POLRMT: variants seen among roughly 807,000 people sequenced by gnomAD.
POLRMT encodes RNA polymerase mitochondrial.
In POLRMT, 114 loss-of-function variants were observed where a neutral mutation model predicts 132.2. The observed-to-expected ratio is 0.86, with a 90% CI of 0.74 to 1.01. The LOEUF (loss-of-function observed/expected upper bound fraction) is 1.01. Ranked by LOEUF, POLRMT falls within the 50% of genes least tolerant of loss-of-function variation. The pLI, the probability that POLRMT is intolerant of heterozygous loss-of-function variation, is 0.00. For synonymous variants in POLRMT, 1,020 were observed against 773.4 expected (o/e 1.32, Z -5.29); for missense variants, 2,003 against 1,729.1 (o/e 1.16, Z -2.81).
Position 618,751 on chromosome 19 carries a change from C to T in POLRMT, c.3277G>A (p.Gly1093Ser). Residue 1093 changes from glycine to serine, a missense_variant, in exon 16 of 21, where the codon GGT becomes AGT. Physicochemically the swap from Gly to Ser is moderately conservative, Grantham distance 56. Transcript: ENST00000588649. ...GTGTAGGTGATGCTCTGAATTCCAC[C>T]TCCTATTTGCTAAAAAGGGGAAGGG... is the stretch of plus-strand genomic sequence containing the variant. ...RLDSKVKQIG[G>S]GIQSITYTHN... is the part of the protein sequence containing the mutation. 2 of 1,602,238 alleles carry T rather than the reference C, an allele frequency of 1.2e-6. No homozygotes were observed. The highest frequency in any genetic ancestry group is 2.3e-5 in the East Asian group (1 of 44,250).
Position 621,249 on chromosome 19 carries a change from C to T in POLRMT, c.2449G>A (p.Gly817Ser), listed in dbSNP as rs746383096. The change falls in exon 10 of 21, where the codon GGC becomes AGC. Residue 817 changes from glycine (G) to serine (S), a missense_variant. Transcript: ENST00000588649. Reference sequence around the variant, plus strand: ...AGCAGGGCCCGCGCCACGTCGCTGCCCAGGTGGTTGAAGTGCGGCGGGCAG... The same window carrying T: ...AGCAGGGCCCGCGCCACGTCGCTGCTCAGGTGGTTGAAGTGCGGCGGGCAG... ...YPCPPHFNHL[G>S]SDVARALLEF... 6.2e-7 allele frequency: 1 copy of T among 1,608,672 alleles called. No homozygotes were observed. The highest frequency in any genetic ancestry group is 8.5e-7 in the Non-Finnish European group (1 of 1,177,992).
chr19:619,174 G>T, intron 14 of POLRMT, 36 bp downstream of exon 14: 1 of 1,610,516 alleles, frequency 6.2e-7, no homozygotes, highest in Non-Finnish European at 8.5e-7. Flanking sequence ...ACTTGCTTAG[G>T]GAGTCCTGGC....
At position 633,417 on chromosome 19, in the gene POLRMT, TG is replaced by T; in HGVS notation, c.88+7del. On this transcript the variant is annotated splice_region_variant and intron_variant, in intron 1 of 20. Coordinates refer to ENST00000588649, the MANE Select transcript of POLRMT (RefSeq NM_005035.4). ...CCCGGGCTGCCTGGCCGTCTCCCTT[TG>T]TGTTACCTTCTTTGCCGGGGAGTCC... 6.5e-7 allele frequency: 1 copy of T among 1,537,100 alleles called. No individual in the cohort carries two copies. The highest frequency in any genetic ancestry group is 8.8e-7 in the Non-Finnish European group (1 of 1,140,658).
Position 621,371 on chromosome 19 carries a change from C to T in POLRMT, c.2327G>A (p.Arg776Gln), listed in dbSNP as rs1984576547. ...CGAGAGGCGGTACAGCGCCTCCGCC[C>T]GCAGGCTGTGCATCTCCCGGGCCAC... ...QKVAREMHSL[R>Q]AEALYRLSLA... Residue 776 changes from arginine (R) to glutamine (Q), a missense_variant, in exon 10 of 21, where the codon CGG (arginine) becomes CAG (glutamine). Transcript: ENST00000588649. 1.9e-6 allele frequency: 3 copies of T among 1,557,976 alleles called. No individual in the cohort carries two copies. The highest frequency in any genetic ancestry group is 1.7e-6 in the Non-Finnish European group (2 of 1,160,220).
intron 13 of POLRMT, 136 bp downstream of exon 13, chr19:619,450 C>T: frequency 7.2e-7 from 1 of 1,393,690 alleles, no homozygotes; most frequent in Non-Finnish European, 9.9e-7. Flanking sequence ...CAAGAAACGC[C>T]CAAGCCCTAA....
Position 631,562 on chromosome 19 carries a change from T to C in POLRMT, c.193+1272A>G, listed in dbSNP as rs559539663. On this transcript the variant is annotated intron_variant, in intron 2 of 20. Transcript: ENST00000588649. ...GTTGAGGCAGGAGAATTGCTTGAAC[T>C]CGGGAGGCGGAGGCTGCAGTGAGCC... is the stretch of plus-strand genomic sequence containing the variant. 3.3e-5 allele frequency among the ~76,000 whole-genome samples: 5 copies of C among 151,382 alleles called. No homozygotes were observed. In the East Asian group the frequency reaches 9.8e-4, roughly 30 times the overall value.
At chr19:623,421 G>T in intron 6 of POLRMT, 33 bp downstream of exon 6, 1 of 1,605,356 alleles carries the variant, frequency 6.2e-7, no homozygotes. Flanking sequence ...CTCAGCCCCT[G>T]CGGCGGACAC....
In POLRMT at chr19:623,602, T is replaced by C; in HGVS notation, c.1142A>G (p.Asp381Gly). 6.2e-7 allele frequency: 1 copy of C among 1,613,382 alleles called. No homozygotes were observed. The highest frequency in any genetic ancestry group is 8.5e-7 in the Non-Finnish European group (1 of 1,179,872). Reference sequence around the variant, plus strand: ...CAGCTTCGGGTAGGACACACGCCCATCCTGCAGGGATGGGGGTAGTGAGGT... The same window carrying C: ...CAGCTTCGGGTAGGACACACGCCCACCCTGCAGGGATGGGGGTAGTGAGGT... ...SKLLRDVYAK[D>G]GRVSYPKLHL... Residue 381 changes from aspartate (D) to glycine (G), a missense_variant and splice_region_variant, in exon 6 of 21, where the codon GAT becomes GGT. Physicochemically the swap from Asp to Gly is moderately conservative, Grantham distance 94. Coordinates refer to ENST00000588649, the MANE Select transcript of POLRMT (RefSeq NM_005035.4).
At chr19:627,063 C>T (rs1985073683) in intron 3 of POLRMT, among the ~76,000 whole-genome samples, 1 of 151,936 alleles carries the variant, frequency 6.6e-6, no homozygotes, top group South Asian at 2.1e-4. Flanking sequence ...CCCTTACATC[C>T]TCCCACCCCA....
intron 9 of POLRMT, 31 bp from the exon 10 acceptor site, chr19:621,877 C>T (rs1249004959): frequency 3.1e-6 from 5 of 1,598,120 alleles, no homozygotes; most frequent in East Asian, 4.5e-5. Context: ...GGGTCAGGGC[C>T]CCGGTGCTGG....
rs775227402 is a variant in POLRMT at position 622,261 on chromosome 19, G to C, written c.1739C>G (p.Ala580Gly). The C allele has an allele frequency of 6.4e-7, 1 of 1,561,662 alleles. No homozygotes were observed. The highest frequency in any genetic ancestry group is 8.7e-7 in the Non-Finnish European group (1 of 1,154,402). Residue 580 changes from alanine (A) to glycine (G), a missense_variant, in exon 9 of 21, where the codon GCG becomes GGG. Physicochemically the swap from Ala to Gly is moderately conservative, Grantham distance 60 (BLOSUM62 0). Coordinates refer to ENST00000588649, the MANE Select transcript of POLRMT (RefSeq NM_005035.4). The stretch of plus-strand genomic sequence containing the variant: ...CTGCGTAGCCTGCACCAGCATCTCC[G>C]CCAGCAGCTTGCCCAGCTCCATCTG... ...PVQMELGKLL[A>G]EMLVQATQMP...
In POLRMT at chr19:621,680, G is replaced by A. The variant is rs1304580366; in HGVS notation, c.2018C>T (p.Thr673Met). 5 of 1,570,792 alleles carry A rather than the reference G, an allele frequency of 3.2e-6. No homozygotes were observed. Among genetic ancestry groups the A allele is most frequent in the Admixed American group, 1.8e-5 (1 of 56,892 alleles). Residue 673 changes from threonine to methionine, a missense_variant, in exon 10 of 21, where the codon ACG becomes ATG. Physicochemically the swap from Thr to Met is moderately conservative, Grantham distance 81 (BLOSUM62 -1). Coordinates refer to ENST00000588649, the MANE Select transcript of POLRMT (RefSeq NM_005035.4). ...CTGGTGCTGCGTGGCGCCTTCCACC[G>A]TGCGCATCAGCTTGGTGGGGCTGAG... ...FLLSPTKLMR[T>M]VEGATQHQEL... is the part of the protein sequence containing the mutation.
In POLRMT at chr19:618,735, A is replaced by C. The variant is rs1489781098; in HGVS notation, c.3293T>G (p.Ile1098Ser). ...GATGTCTCCGTTGTGGGTGTAGGTG[A>C]TGCTCTGAATTCCACCTCCTATTTG... ...VKQIGGGIQS[I>S]TYTHNGDISR... The change falls in exon 16 of 21, where the codon ATC becomes AGC. Residue 1098 changes from isoleucine (I) to serine (S), a missense_variant. Ile to Ser is a moderately radical substitution (Grantham distance 142). Transcript: ENST00000588649. 6.2e-7 allele frequency: 1 copy of C among 1,606,630 alleles called. No homozygotes were observed. The highest frequency in any genetic ancestry group is 8.5e-7 in the Non-Finnish European group (1 of 1,177,162).
chr19:617,351 G>C, intron 20 of POLRMT, 28 bp from the exon 21 acceptor site: 1 of 1,612,636 alleles, frequency 6.2e-7, no homozygotes, highest in Non-Finnish European at 8.5e-7. Context: ...CGGACGGCGT[G>C]GGTGGCGGGA....
At position 622,562 on chromosome 19, in the gene POLRMT, A is replaced by G. The variant is rs1158082660; in HGVS notation, c.1626+20T>C. 10 of 1,583,850 alleles carry G rather than the reference A, an allele frequency of 6.3e-6. No homozygotes were observed. The highest frequency in any genetic ancestry group is 8.6e-6 in the Non-Finnish European group (10 of 1,164,338). ...CCCACCACTGGCCCCAGCCAGGAGG[A>G]GAGGGGGTGCGAGCCTCACCTCGGC... On this transcript the variant is annotated intron_variant, in intron 8 of 20. Coordinates refer to ENST00000588649, the MANE Select transcript of POLRMT (RefSeq NM_005035.4).
At chr19:619,462 A>T in intron 13 of POLRMT, 124 bp downstream of exon 13, 1 of 1,406,588 alleles carries the variant, frequency 7.1e-7, no homozygotes, top group Non-Finnish European at 9.8e-7. Context: ...AAGCCCTAAC[A>T]GGCAGCCAGT....
rs1167834706 is a variant in POLRMT, at chr19:621,709, G to A, written c.1989C>T (p.Phe663=). ...LPWTSPHSGA[F]LLSPTKLMRT... ...GCATCAGCTTGGTGGGGCTGAGCAG[G>A]AAAGCACCAGAGTGCGGCGATGTCC... is the stretch of plus-strand genomic sequence containing the variant. Residue 663 remains phenylalanine (F), a synonymous_variant, in exon 10 of 21, where the codon TTC becomes TTT. Transcript: ENST00000588649. The A allele has an allele frequency of 1.9e-6, 3 of 1,592,406 alleles. 1 individual carries two copies. The highest frequency in any genetic ancestry group is 2.6e-6 in the Non-Finnish European group (3 of 1,173,624).
At chr19:626,898 C>CATATATATATATATAT (rs113561619) in intron 3 of POLRMT, among the ~76,000 whole-genome samples, 7 of 146,702 alleles carry the variant, frequency 4.8e-5, no homozygotes, top group African/African-American at 1.5e-4. Flanking sequence ...CACACACACA[C>CATATATATATATATAT]ATATATATAT....
intron 17 of POLRMT, 37 bp from the exon 18 acceptor site, chr19:617,886 C>G (rs112271909): frequency 6.9e-6 from 11 of 1,590,888 alleles, no homozygotes; most frequent in Non-Finnish European, 9.5e-6. Context: ...GGGAGGGGAG[C>G]TCACAGGGCC....
Sources: gnomAD v4.1 joint callset for allele counts (sites outside exome capture counted in the v4.1 genomes callset) on GRCh38, gnomAD v4.1.1 for gene constraint, MANE v1.5 for transcripts, NCBI Gene and HGNC (gene_info 2026-07-23, HGNC 2026-07-21) for gene names.